GALNT11: variants seen among roughly 807,000 people sequenced by gnomAD.
GALNT11 encodes polypeptide N-acetylgalactosaminyltransferase 11.
GALNT11 carries 47 observed loss-of-function variants against 72.7 expected under a neutral mutation model. The ratio of observed to expected loss-of-function variants is 0.65; its 90% CI spans 0.51 to 0.82. The LOEUF (loss-of-function observed/expected upper bound fraction) is 0.82. Among genes scored for constraint, GALNT11 ranks in the 40% least tolerant of loss-of-function variants. The pLI, the probability that GALNT11 is intolerant of heterozygous loss-of-function variation, is 0.00. For synonymous variants in GALNT11, 270 were observed against 286.6 expected (o/e 0.94, Z 0.58); for missense variants, 677 against 778.4 (o/e 0.87, Z 1.55).
chr7:152,026,179 C>T (rs190502144), intron 1 of GALNT11, among the ~76,000 whole-genome samples: 144 of 152,320 alleles, frequency 9.5e-4, no homozygotes, highest in African/African-American at 3.3e-3. Context: ...ATCCTGCAGC[C>T]TCCCCCAGCA....
At chr7:152,054,399 C>G (rs1057098145) in intron 1 of GALNT11, among the ~76,000 whole-genome samples, 1 of 141,974 alleles carries the variant, frequency 7.0e-6, no homozygotes, top group African/African-American at 2.6e-5. Flanking sequence ...TTTTTTTTTG[C>G]TCCTTCCTGT....
rs377253908 is a variant in GALNT11, at chr7:152,108,109, A to G, written c.784A>G (p.Ile262Val). 1.9e-6 allele frequency: 3 copies of G among 1,613,992 alleles called. No homozygotes were observed. The highest frequency in any genetic ancestry group is 2.5e-6 in the Non-Finnish European group (3 of 1,179,978). Residue 262 changes from isoleucine to valine, a missense_variant, in exon 6 of 12, where the codon ATC becomes GTC. By Grantham distance (29) the Ile-to-Val change is conservative (BLOSUM62 3). Transcript: ENST00000430044. ...GTGGCTGCAGCCCTTGCTGGCCGCC[A>G]TCCGTGAGGACCGGCACACCGTGGT... ...VMWLQPLLAA[I>V]REDRHTVVCP...
chr7:152,065,721 G>A (rs1033693701), intron 1 of GALNT11, among the ~76,000 whole-genome samples: 15 of 152,200 alleles, frequency 9.9e-5, no homozygotes, highest in Non-Finnish European at 1.6e-4. Context: ...GACCCTGTTT[G>A]CCTGGGTATC....
rs2085948977 is a variant in GALNT11 at position 152,090,615 on chromosome 7, ACTC to A, written c.-38-3571_-38-3569del. 6.6e-5 allele frequency among the ~76,000 whole-genome samples: 10 copies of A among 151,630 alleles called. No individual in the cohort carries two copies. The South Asian group carries it at 2.1e-3, about 32-fold the overall frequency. ...GTGGCTCCTTGACCCCACTGGTCGC[ACTC>A]CTCAAGAGCCTTTGCTCTTATTCCC... is the stretch of plus-strand genomic sequence containing the variant. On this transcript the variant is annotated intron_variant, in intron 1 of 11. Transcript: ENST00000430044.
At chr7:152,101,042 G>A (rs2086838289) in intron 3 of GALNT11, 121 bp downstream of exon 3, 2 of 1,312,956 alleles carry the variant, frequency 1.5e-6, no homozygotes, top group Non-Finnish European at 2.1e-6. Flanking sequence ...CAGCATACTA[G>A]GAAACTTGAG....
intron 1 of GALNT11, among the ~76,000 whole-genome samples, chr7:152,061,553 C>T (rs2084018492): frequency 6.6e-6 from 1 of 152,172 alleles, no homozygotes; most frequent in African/African-American, 2.4e-5. Flanking sequence ...CTTGGCCATG[C>T]CTATGTCCTG....
chr7:152,059,805 G>A (rs1183138841), intron 1 of GALNT11, among the ~76,000 whole-genome samples: 1 of 152,202 alleles, frequency 6.6e-6, no homozygotes, highest in African/African-American at 2.4e-5. Flanking sequence ...AGGCAGAGTA[G>A]ATTTTGCATA....
intron 1 of GALNT11, among the ~76,000 whole-genome samples, chr7:152,066,559 TC>T (rs1486879781): frequency 6.6e-6 from 1 of 152,218 alleles, no homozygotes; most frequent in East Asian, 1.9e-4. Flanking sequence ...CTGGAGCTGT[TC>T]CTATTTGGCC....
rs973216375 is a variant in GALNT11 at position 152,053,706 on chromosome 7, G to C, written c.-39+27822G>C. On this transcript the variant is annotated intron_variant, in intron 1 of 11. Coordinates refer to ENST00000430044, the MANE Select transcript of GALNT11 (RefSeq NM_022087.4). The stretch of plus-strand genomic sequence containing the variant: ...GTTGTCAGACTGCTTTTAAAAAGCT[G>C]TCTGCACTTTGGCTGGGTGGCTCAA... 3.5e-4 allele frequency among the ~76,000 whole-genome samples: 54 copies of C among 152,254 alleles called. 1 individual carries two copies. The highest frequency in any genetic ancestry group is 1.3e-3 in the African/African-American group (52 of 41,560).
At chr7:152,092,540 T>C (rs2086106926) in intron 1 of GALNT11, among the ~76,000 whole-genome samples, 1 of 152,212 alleles carries the variant, frequency 6.6e-6, no homozygotes, top group East Asian at 1.9e-4. Context: ...GGTATGTTAC[T>C]GTTGTTTTGT....
chr7:152,031,403 A>G (rs1245918139), intron 1 of GALNT11, among the ~76,000 whole-genome samples: 1 of 152,218 alleles, frequency 6.6e-6, no homozygotes, highest in African/African-American at 2.4e-5. Context: ...CCACGCATGT[A>G]TGTATTTGAA....
At chr7:152,061,127 C>T (rs2128998666) in intron 1 of GALNT11, among the ~76,000 whole-genome samples, 1 of 152,268 alleles carries the variant, frequency 6.6e-6, no homozygotes, top group South Asian at 2.1e-4. Flanking sequence ...ACATCCTCTC[C>T]AGCACCTGTT....
At chr7:152,080,001 C>T (rs2085223813) in intron 1 of GALNT11, among the ~76,000 whole-genome samples, 1 of 152,110 alleles carries the variant, frequency 6.6e-6, no homozygotes, top group African/African-American at 2.4e-5. Context: ...TTAGTTTATT[C>T]TGGTAGAAAA....
intron 5 of GALNT11, among the ~76,000 whole-genome samples, chr7:152,107,068 A>G (rs2087640370): frequency 2.6e-5 from 4 of 152,072 alleles, no homozygotes; most frequent in Admixed American, 2.6e-4. Context: ...TGTCTGAGAT[A>G]CTGCTTTTAT....
intron 8 of GALNT11, chr7:152,116,883 C>G (rs920579161): frequency 4.9e-5 from 29 of 587,560 alleles, no homozygotes; most frequent in African/African-American, 4.0e-4. Flanking sequence ...GTTTTAATTT[C>G]TGTGTGATAA....
At chr7:152,028,842 G>A (rs1364667507) in intron 1 of GALNT11, among the ~76,000 whole-genome samples, 2 of 152,210 alleles carry the variant, frequency 1.3e-5, no homozygotes, top group South Asian at 2.1e-4. Flanking sequence ...TTGGTCCAGG[G>A]GTCCTGGTAG....
intron 1 of GALNT11, among the ~76,000 whole-genome samples, chr7:152,043,544 G>A (rs1271379881): frequency 6.6e-6 from 1 of 152,104 alleles, no homozygotes. Context: ...TTATCTGGGG[G>A]GTGTACTCTA....
chr7:152,076,018 T>A (rs1349374566), intron 1 of GALNT11, among the ~76,000 whole-genome samples: 2 of 125,312 alleles, frequency 1.6e-5, no homozygotes, highest in African/African-American at 6.2e-5. Flanking sequence ...GCCGAGATCG[T>A]GCCACTGCAC....
intron 1 of GALNT11, among the ~76,000 whole-genome samples, chr7:152,035,784 C>G (rs2082544691): frequency 6.6e-6 from 1 of 152,148 alleles, no homozygotes; most frequent in South Asian, 2.1e-4. Context: ...GAAAACAGGA[C>G]AGAATAGCAA....
Sources: allele counts gnomAD v4.1 joint callset (sites outside exome capture counted in the v4.1 genomes callset), GRCh38; gene constraint gnomAD v4.1.1; transcripts MANE v1.5; gene names NCBI Gene and HGNC (gene_info 2026-07-23, HGNC 2026-07-21).